ARHGAP24: variants seen among roughly 807,000 people sequenced by gnomAD.
The protein encoded by ARHGAP24 is rho GTPase-activating protein 24.
A neutral mutation model predicts 76.4 loss-of-function variants in ARHGAP24; 50 were observed. The ratio of observed to expected loss-of-function variants is 0.65; its 90% CI spans 0.52 to 0.83. ARHGAP24 has a LOEUF of 0.83. Ranked by LOEUF, ARHGAP24 falls within the 40% of genes least tolerant of loss-of-function variation. ARHGAP24 has a pLI of 0.00. For synonymous variants in ARHGAP24, 345 were observed against 323.3 expected (o/e 1.07, Z -0.72); for missense variants, 930 against 914.2 (o/e 1.02, Z -0.22).
At chr4:85,822,250 T>C (rs79245666) in intron 3 of ARHGAP24, among the ~76,000 whole-genome samples, 2,379 of 151,996 alleles carry the variant, frequency 0.016, 64 homozygotes, top group African/African-American at 0.054. Flanking sequence ...CCCTCAAATG[T>C]TATTTCAACA....
intron 3 of ARHGAP24, among the ~76,000 whole-genome samples, chr4:85,727,272 G>A (rs1471172049): frequency 2.6e-5 from 4 of 152,094 alleles, no homozygotes; most frequent in Non-Finnish European, 5.9e-5. Context: ...ATGAGCATGT[G>A]AAGTTATTTT....
chr4:85,560,289 C>T (rs1231195376), intron 1 of ARHGAP24, among the ~76,000 whole-genome samples: 1 of 151,628 alleles, frequency 6.6e-6, no homozygotes, highest in African/African-American at 2.4e-5. Flanking sequence ...ATAATTTTCT[C>T]TCTAGTTGAA....
intron 2 of ARHGAP24, among the ~76,000 whole-genome samples, chr4:85,647,194 A>AATT (rs1363922080): frequency 6.6e-6 from 1 of 151,968 alleles, no homozygotes; most frequent in Non-Finnish European, 1.5e-5. Flanking sequence ...ATTTGATTAT[A>AATT]ATTATTATTA....
intron 5 of ARHGAP24, among the ~76,000 whole-genome samples, chr4:85,970,467 G>C (rs529849817): frequency 5.8e-4 from 89 of 152,236 alleles, no homozygotes; most frequent in African/African-American, 2.0e-3. Flanking sequence ...GAGCAGGCTA[G>C]AATAATGCCT....
At chr4:85,581,811 T>C (rs547602307) in intron 2 of ARHGAP24, among the ~76,000 whole-genome samples, 1 of 152,190 alleles carries the variant, frequency 6.6e-6, no homozygotes, top group Non-Finnish European at 1.5e-5. Flanking sequence ...TACCTGTCAA[T>C]TTCTGTTTTA....
intron 3 of ARHGAP24, among the ~76,000 whole-genome samples, chr4:85,814,749 G>A (rs1729164033): frequency 6.6e-6 from 1 of 152,134 alleles, no homozygotes; most frequent in African/African-American, 2.4e-5. Flanking sequence ...CTAGGGTCTG[G>A]AAGACAGATT....
intron 2 of ARHGAP24, among the ~76,000 whole-genome samples, chr4:85,623,522 G>A (rs371384117): frequency 1.3e-5 from 2 of 152,142 alleles, no homozygotes; most frequent in African/African-American, 4.8e-5. Flanking sequence ...AGTCAGGTAG[G>A]GTGATGCCTC....
At position 85,947,246 on chromosome 4, in the gene ARHGAP24, GCA is replaced by G. The variant is rs1324924222; in HGVS notation, c.599+4976_599+4977del. 7.9e-5 allele frequency among the ~76,000 whole-genome samples: 12 copies of G among 152,182 alleles called. No homozygotes were observed. In the South Asian group the frequency reaches 1.0e-3, roughly 13 times the overall value. Reference sequence around the variant, plus strand: ...TCTGGATAACAGACCTTTGTCAGATGCACAGTTTGTGAATATTTTATCCCTTT... The same window carrying G: ...TCTGGATAACAGACCTTTGTCAGATGCAGTTTGTGAATATTTTATCCCTTT... On this transcript the variant is annotated intron_variant, in intron 5 of 9. Coordinates refer to ENST00000395184, the MANE Select transcript of ARHGAP24 (RefSeq NM_001025616.3).
intron 3 of ARHGAP24, among the ~76,000 whole-genome samples, chr4:85,804,509 G>A (rs79644558): frequency 6.6e-6 from 1 of 151,990 alleles, no homozygotes; most frequent in Admixed American, 6.6e-5. Flanking sequence ...AAGAGAGCTA[G>A]GTAATACTAC....
chr4:85,579,621 A>C (rs1010153225), intron 2 of ARHGAP24, among the ~76,000 whole-genome samples: 19 of 151,668 alleles, frequency 1.3e-4, no homozygotes, highest in African/African-American at 4.6e-4. Flanking sequence ...ACTATTTATC[A>C]ATTATAAACT....
At chr4:85,850,069 A>G (rs890059191) in intron 3 of ARHGAP24, among the ~76,000 whole-genome samples, 2 of 152,110 alleles carry the variant, frequency 1.3e-5, no homozygotes, top group East Asian at 1.9e-4. Flanking sequence ...CTGTGAATCA[A>G]TCTGGTCCTG....
At chr4:85,767,446 A>G (rs1726972130) in intron 3 of ARHGAP24, among the ~76,000 whole-genome samples, 1 of 151,970 alleles carries the variant, frequency 6.6e-6, no homozygotes, top group South Asian at 2.1e-4. Flanking sequence ...ATGCTTCATC[A>G]CCTTTATTAC....
chr4:85,842,806 T>C (rs1041189102), intron 3 of ARHGAP24, among the ~76,000 whole-genome samples: 2 of 152,224 alleles, frequency 1.3e-5, no homozygotes, highest in Non-Finnish European at 2.9e-5. Context: ...GGAGCTCATG[T>C]TTATTGAACG....
At chr4:85,766,778 C>T (rs1299790332) in intron 3 of ARHGAP24, among the ~76,000 whole-genome samples, 2 of 152,086 alleles carry the variant, frequency 1.3e-5, no homozygotes, top group Non-Finnish European at 2.9e-5. Flanking sequence ...AACTTGAGAA[C>T]CACAAACTAT....
chr4:85,715,478 C>T (rs1427148616), intron 2 of ARHGAP24, among the ~76,000 whole-genome samples: 2 of 151,942 alleles, frequency 1.3e-5, no homozygotes, highest in Admixed American at 1.3e-4. Flanking sequence ...AACAATGATG[C>T]CATGAAGTAG....
intron 1 of ARHGAP24, among the ~76,000 whole-genome samples, chr4:85,477,201 G>A (rs941031572): frequency 3.9e-5 from 6 of 152,042 alleles, no homozygotes; most frequent in African/African-American, 1.5e-4. Flanking sequence ...AAAAATAATC[G>A]GTAATTCTTT....
intron 3 of ARHGAP24, among the ~76,000 whole-genome samples, chr4:85,733,963 C>G (rs917752577): frequency 3.3e-5 from 5 of 152,188 alleles, no homozygotes; most frequent in African/African-American, 1.2e-4. Context: ...AACTGTTCTT[C>G]TAAAGGCTTC....
intron 2 of ARHGAP24, among the ~76,000 whole-genome samples, chr4:85,603,676 A>G (rs912832528): frequency 3.3e-5 from 5 of 152,178 alleles, no homozygotes; most frequent in African/African-American, 9.6e-5. Flanking sequence ...AATATAGCAG[A>G]AGATTTATTC....
At chr4:85,989,508 G>A (rs1326360632) in intron 8 of ARHGAP24, among the ~76,000 whole-genome samples, 1 of 151,694 alleles carries the variant, frequency 6.6e-6, no homozygotes, top group Admixed American at 6.6e-5. Flanking sequence ...AAAAAAAGAA[G>A]TAGAGGGAAT....
Sources: gnomAD v4.1 joint callset for allele counts (sites outside exome capture counted in the v4.1 genomes callset) on GRCh38, gnomAD v4.1.1 for gene constraint, MANE v1.5 for transcripts, NCBI Gene and HGNC (gene_info 2026-07-23, HGNC 2026-07-21) for gene names.